The following AKAP19 variants were observed in gnomAD, a reference collection of about 807,000 sequenced individuals.
AKAP19 encodes A-kinase anchoring protein 19, also known as small A-kinase anchoring protein.
the AKAP19 span, among the ~76,000 whole-genome samples, chr2:190,003,468 A>C: frequency 1.3e-5 from 2 of 152,204 alleles, no homozygotes; most frequent in African/African-American, 2.4e-5. Context: ...AGAATTACTG[A>C]GGTAAATAAT....
At chr2:190,062,765 A>T in the AKAP19 span, 1 of 611,068 alleles carries the variant, frequency 1.6e-6, no homozygotes, top group South Asian at 2.1e-5. Flanking sequence ...TTATATTCCA[A>T]CTTAGATGAG....
At chr2:190,020,297 A>G in the AKAP19 span, among the ~76,000 whole-genome samples, 13 of 152,356 alleles carry the variant, frequency 8.5e-5, no homozygotes, top group African/African-American at 3.1e-4. Flanking sequence ...ATTTTTTAAA[A>G]TAAGTGATAA....
chr2:190,059,615 T>C, the AKAP19 span, among the ~76,000 whole-genome samples: 1 of 151,968 alleles, frequency 6.6e-6, no homozygotes, highest in Non-Finnish European at 1.5e-5. Flanking sequence ...AATTATAATT[T>C]TAAAAGGTTT....
At chr2:190,202,535 A>G in the AKAP19 span, 226 of 167,196 alleles carry the variant, frequency 1.4e-3, 1 homozygote, top group Non-Finnish European at 4.4e-4. Flanking sequence ...ATGGATGAGA[A>G]TATCACTGAT....
At chr2:190,091,900 C>T in the AKAP19 span, among the ~76,000 whole-genome samples, 2 of 151,866 alleles carry the variant, frequency 1.3e-5, no homozygotes, top group Non-Finnish European at 1.5e-5. Flanking sequence ...ACTCATAATT[C>T]CTTTATTCAG....
the AKAP19 span, among the ~76,000 whole-genome samples, chr2:189,909,968 T>A: frequency 1.3e-5 from 2 of 152,022 alleles, no homozygotes; most frequent in Admixed American, 1.3e-4. Context: ...ACAGGTCACA[T>A]GTCTATAATG....
At chr2:189,899,645 G>A in the AKAP19 span, among the ~76,000 whole-genome samples, 1 of 152,070 alleles carries the variant, frequency 6.6e-6, no homozygotes, top group Non-Finnish European at 1.5e-5. Context: ...ACATAAATGT[G>A]TGTTTTTTCC....
the AKAP19 span, among the ~76,000 whole-genome samples, chr2:189,949,910 G>A: frequency 1.3e-5 from 2 of 151,534 alleles, no homozygotes; most frequent in African/African-American, 2.4e-5. Flanking sequence ...GATTACAGAC[G>A]TGAGCCACCA....
the AKAP19 span, among the ~76,000 whole-genome samples, chr2:189,939,522 G>A: frequency 6.6e-6 from 1 of 152,094 alleles, no homozygotes; most frequent in Non-Finnish European, 1.5e-5. Flanking sequence ...ATCCAAAGAC[G>A]CAGACATACA....
At chr2:190,061,033 A>G in the AKAP19 span, among the ~76,000 whole-genome samples, 1 of 152,070 alleles carries the variant, frequency 6.6e-6, no homozygotes, top group Non-Finnish European at 1.5e-5. Flanking sequence ...AGGCTATCTG[A>G]AAAGTTCGAA....
chr2:189,924,103 T>A, the AKAP19 span: 5 of 1,490,830 alleles, frequency 3.4e-6, no homozygotes, highest in Non-Finnish European at 4.5e-6. Context: ...TACTGGATGA[T>A]GATGATAATG....
chr2:190,167,619 C>G, the AKAP19 span, among the ~76,000 whole-genome samples: 1 of 152,206 alleles, frequency 6.6e-6, no homozygotes, highest in African/African-American at 2.4e-5. Flanking sequence ...GGTAAAGGCA[C>G]TGGGTAAATA....
chr2:190,170,431 G>C, the AKAP19 span, among the ~76,000 whole-genome samples: 2 of 152,344 alleles, frequency 1.3e-5, no homozygotes, highest in East Asian at 3.9e-4. Flanking sequence ...ACTGGGAAGA[G>C]ACATACTTAG....
At chr2:190,098,508 A>G in the AKAP19 span, among the ~76,000 whole-genome samples, 1 of 152,216 alleles carries the variant, frequency 6.6e-6, no homozygotes, top group Non-Finnish European at 1.5e-5. Context: ...CAGAGATGCC[A>G]TCATCCAGGC....
At chr2:189,930,498 G>A in the AKAP19 span, 1 of 212,652 alleles carries the variant, frequency 4.7e-6, no homozygotes, top group South Asian at 7.7e-5. Flanking sequence ...CCAACATAGT[G>A]AAACCCCGTC....
chr2:190,177,223 A>C, the AKAP19 span, among the ~76,000 whole-genome samples: 1 of 152,130 alleles, frequency 6.6e-6, no homozygotes, highest in Admixed American at 6.5e-5. The surrounding 1 kb of genome is among the most constrained non-coding windows in gnomAD (Gnocchi z 4.6). Flanking sequence ...ACCTGAGATA[A>C]GTTCTAGGGG....
the AKAP19 span, among the ~76,000 whole-genome samples, chr2:190,009,700 G>T: frequency 6.1e-4 from 93 of 152,236 alleles, 2 homozygotes; most frequent in East Asian, 0.015. Context: ...ATTTAAATTT[G>T]GGAGCCTTCG....
the AKAP19 span, among the ~76,000 whole-genome samples, chr2:190,106,778 TA>T: frequency 6.6e-6 from 1 of 151,234 alleles, no homozygotes; most frequent in African/African-American, 2.4e-5. Flanking sequence ...TCTAAAAATC[TA>T]AAAAAAAATA....
chr2:189,969,078 C>T, the AKAP19 span, among the ~76,000 whole-genome samples: 1 of 151,992 alleles, frequency 6.6e-6, no homozygotes, highest in Non-Finnish European at 1.5e-5. Flanking sequence ...GCAAATATAC[C>T]ATAAAAGCAG....
Sources: allele counts gnomAD v4.1 joint callset (sites outside exome capture counted in the v4.1 genomes callset), GRCh38; gene constraint gnomAD v4.1.1; non-coding constraint Gnocchi (gnomAD v3.1); transcripts MANE v1.5; gene names NCBI Gene and HGNC (gene_info 2026-07-23, HGNC 2026-07-21).